Variants in PPM1H observed in about 807,000 individuals in gnomAD.
PPM1H encodes the protein protein phosphatase 1H.
PPM1H carries 27 observed loss-of-function variants against 54.9 expected under a neutral mutation model. That is an observed-to-expected ratio of 0.49 (90% confidence interval 0.36 to 0.68). The LOEUF is 0.68. PPM1H is among the 30% of genes least tolerant of loss of function. The pLI, the probability that PPM1H is intolerant of heterozygous loss-of-function variation, is 0.00. For missense variants in PPM1H, 596 were observed against 667.8 expected, an observed-to-expected ratio of 0.89 and a Z score of 1.19; for synonymous variants, 305 against 270.8, an observed-to-expected ratio of 1.13 and a Z score of -1.24.
intron 1 of PPM1H, among the ~76,000 whole-genome samples, chr12:62,895,152 C>T (rs148394774): frequency 6.6e-6 from 1 of 152,292 alleles, no homozygotes; most frequent in African/African-American, 2.4e-5. Flanking sequence ...GGGGCATCCC[C>T]AGAGCAGTTC....
At chr12:62,685,002 T>C (rs2076043329) in intron 8 of PPM1H, among the ~76,000 whole-genome samples, 1 of 152,026 alleles carries the variant, frequency 6.6e-6, no homozygotes, top group African/African-American at 2.4e-5. Context: ...CCGCTTCCCT[T>C]CTAACAGTTC....
chr12:62,845,940 T>C lies in PPM1H; in HGVS notation c.246-13661A>G, dbSNP rs1036108014. Among the ~76,000 whole-genome samples, 4 of 152,180 alleles carry C rather than the reference T, an allele frequency of 2.6e-5. No individual in the cohort carries two copies. The South Asian group carries it at 8.3e-4, about 31-fold the overall frequency. On this transcript the variant is annotated intron_variant, in intron 1 of 9. Coordinates refer to ENST00000228705, the MANE Select transcript of PPM1H (RefSeq NM_020700.2). The stretch of plus-strand genomic sequence containing the variant: ...CAAAGAATTCCAAGGAGCATCCTTG[T>C]CCTCCCAGCTTACTACTCTCCCCAC...
chr12:62,866,832 C>T (rs1378420975), intron 1 of PPM1H, among the ~76,000 whole-genome samples: 1 of 151,904 alleles, frequency 6.6e-6, no homozygotes, highest in African/African-American at 2.4e-5. Context: ...GCACTGTTCC[C>T]CTTTCTCCAT....
At chr12:62,762,246 T>C (rs2076513814) in intron 4 of PPM1H, among the ~76,000 whole-genome samples, 1 of 152,210 alleles carries the variant, frequency 6.6e-6, no homozygotes, top group East Asian at 1.9e-4. Flanking sequence ...ACACCTGATG[T>C]GTGCTTGTCC....
At chr12:62,819,644 C>T (rs966227761) in intron 2 of PPM1H, among the ~76,000 whole-genome samples, 1 of 152,112 alleles carries the variant, frequency 6.6e-6, no homozygotes, top group Non-Finnish European at 1.5e-5. Flanking sequence ...AATTTGTGTG[C>T]CTTTTAAGTT....
At chr12:62,706,310 C>G (rs2076173951) in intron 6 of PPM1H, among the ~76,000 whole-genome samples, 1 of 152,170 alleles carries the variant, frequency 6.6e-6, no homozygotes, top group Non-Finnish European at 1.5e-5. Context: ...TACTAACCCC[C>G]ATATTATTCA....
At chr12:62,900,985 TGGTCTTTCCCC>T (rs1288816652) in intron 1 of PPM1H, among the ~76,000 whole-genome samples, 233 of 152,332 alleles carry the variant, frequency 1.5e-3, no homozygotes, top group African/African-American at 5.5e-3. Context: ...CTAAACTCTC[TGGTCTTTCCCC>T]CTTACTGCCA....
At chr12:62,649,734 G>A (rs73310406) in intron 9 of PPM1H, among the ~76,000 whole-genome samples, 148 of 152,314 alleles carry the variant, frequency 9.7e-4, no homozygotes, top group Middle Eastern at 3.4e-3. Context: ...TGAGCTAGTC[G>A]TTTTTACTTT....
intron 5 of PPM1H, among the ~76,000 whole-genome samples, chr12:62,727,780 C>T (rs942996138): frequency 3.3e-5 from 5 of 151,768 alleles, no homozygotes; most frequent in Non-Finnish European, 5.9e-5. Flanking sequence ...CCCACCTCAG[C>T]CTCCTGAGTA....
At chr12:62,774,403 G>T (rs868276931) in intron 4 of PPM1H, among the ~76,000 whole-genome samples, 1 of 152,086 alleles carries the variant, frequency 6.6e-6, no homozygotes, top group Admixed American at 6.5e-5. Context: ...GTGCAGTGGC[G>T]TGATCAAGGT....
intron 4 of PPM1H, among the ~76,000 whole-genome samples, 189 bp from the exon 5 acceptor site, chr12:62,737,775 A>T (rs2076358663): frequency 1.3e-5 from 2 of 152,286 alleles, no homozygotes; most frequent in South Asian, 4.1e-4. Context: ...TTTTAAGTGC[A>T]TTGCATTCTA....
chr12:62,913,466 AC>A (rs1433266170), intron 1 of PPM1H, among the ~76,000 whole-genome samples: 7 of 151,896 alleles, frequency 4.6e-5, no homozygotes, highest in Non-Finnish European at 1.0e-4. Flanking sequence ...GGCGCATCCT[AC>A]TCTGCCCTTC....
chr12:62,784,000 G>T (rs2076657023), intron 4 of PPM1H, among the ~76,000 whole-genome samples: 1 of 152,204 alleles, frequency 6.6e-6, no homozygotes, highest in African/African-American at 2.4e-5. Flanking sequence ...ATATTGCTTT[G>T]CATGACATTT....
At chr12:62,710,790 C>G (rs1167533976) in intron 6 of PPM1H, among the ~76,000 whole-genome samples, 2 of 152,094 alleles carry the variant, frequency 1.3e-5, no homozygotes, top group African/African-American at 4.8e-5. Context: ...TTTTTGTTTT[C>G]TAGCTTCTCA....
At chr12:62,754,142 T>A (rs1247503466) in intron 4 of PPM1H, among the ~76,000 whole-genome samples, 1 of 152,182 alleles carries the variant, frequency 6.6e-6, no homozygotes, top group Non-Finnish European at 1.5e-5. Flanking sequence ...CTGTTAGGGA[T>A]CTGGAAGGAA....
intron 1 of PPM1H, among the ~76,000 whole-genome samples, chr12:62,835,198 T>C (rs1015756463): frequency 6.6e-6 from 1 of 152,194 alleles, no homozygotes; most frequent in Non-Finnish European, 1.5e-5. Flanking sequence ...GCTACTATAA[T>C]TACATAAATC....
intron 4 of PPM1H, among the ~76,000 whole-genome samples, chr12:62,747,059 C>T (rs2076416409): frequency 6.6e-6 from 1 of 152,208 alleles, no homozygotes; most frequent in Non-Finnish European, 1.5e-5. Flanking sequence ...TCAGGTGATC[C>T]TCCCACCTCA....
At chr12:62,851,519 A>G (rs1592635421) in intron 1 of PPM1H, among the ~76,000 whole-genome samples, 1 of 152,234 alleles carries the variant, frequency 6.6e-6, no homozygotes, top group East Asian at 1.9e-4. Context: ...CCTGGCCAAC[A>G]TGGTGAAATC....
chr12:62,724,267 T>C (rs2076277930), intron 5 of PPM1H, among the ~76,000 whole-genome samples: 1 of 152,244 alleles, frequency 6.6e-6, no homozygotes, highest in Non-Finnish European at 1.5e-5. Context: ...CTCTTGTTAA[T>C]CTGTCTTTTG....
Sources: allele counts gnomAD v4.1 joint callset (sites outside exome capture counted in the v4.1 genomes callset), GRCh38; gene constraint gnomAD v4.1.1; transcripts MANE v1.5; gene names NCBI Gene and HGNC (gene_info 2026-07-23, HGNC 2026-07-21).